PTPN4: variants seen among roughly 807,000 people sequenced by gnomAD.
PTPN4 encodes the protein protein tyrosine phosphatase non-receptor type 4, also known as tyrosine-protein phosphatase non-receptor type 4.
Under a neutral mutation model 135.5 loss-of-function variants are expected in PTPN4, and 49 were observed. The ratio of observed to expected loss-of-function variants is 0.36; its 90% CI spans 0.29 to 0.46. The LOEUF is 0.46. PTPN4 is among the 20% of genes least tolerant of loss of function. The pLI is 1.00. For missense variants in PTPN4, 860 were observed against 1,101.0 expected, an observed-to-expected ratio of 0.78 and a Z score of 3.10; for synonymous variants, 333 against 369.9, an observed-to-expected ratio of 0.90 and a Z score of 1.14.
intron 3 of PTPN4, among the ~76,000 whole-genome samples, chr2:119,871,476 A>T (rs1677909036): frequency 6.6e-6 from 1 of 152,086 alleles, no homozygotes; most frequent in Admixed American, 6.5e-5. Flanking sequence ...CTGAGGCAGG[A>T]GAACCACTTG....
At position 119,853,725 on chromosome 2, in the gene PTPN4, T is replaced by C. The variant is rs147215428; in HGVS notation, c.139-8811T>C. On this transcript the variant is annotated intron_variant, in intron 2 of 26. Coordinates refer to ENST00000263708, the MANE Select transcript of PTPN4 (RefSeq NM_002830.4). ...AAACATTTATTCTTAAAGAGAAGAA[T>C]AGGCTTTTTTATTTACTTCCATTTC... Among the ~76,000 whole-genome samples, 403 of 152,312 alleles carry C rather than the reference T, an allele frequency of 2.6e-3. 21 individuals carry two copies. In the East Asian group the frequency reaches 0.057, roughly 21 times the overall value.
intron 9 of PTPN4, among the ~76,000 whole-genome samples, chr2:119,890,258 A>G (rs1420762298): frequency 7.1e-6 from 1 of 141,158 alleles, no homozygotes; most frequent in Non-Finnish European, 1.5e-5. Flanking sequence ...TCATTATATA[A>G]TGACCTTCTT....
intron 1 of PTPN4, among the ~76,000 whole-genome samples, chr2:119,794,999 C>T (rs192223312): frequency 2.6e-5 from 4 of 152,182 alleles, no homozygotes; most frequent in Admixed American, 2.0e-4. Flanking sequence ...CTGGCTATCC[C>T]ATTGTTTCTT....
chr2:119,910,299 A>T (rs6712877), intron 10 of PTPN4, among the ~76,000 whole-genome samples: 3,525 of 152,210 alleles, frequency 0.023, 127 homozygotes, highest in African/African-American at 0.077. Flanking sequence ...AATAGACTAC[A>T]GTATAGTGTA....
intron 13 of PTPN4, among the ~76,000 whole-genome samples, chr2:119,926,958 T>A (rs985401173): frequency 6.6e-6 from 1 of 152,126 alleles, no homozygotes; most frequent in Non-Finnish European, 1.5e-5. Flanking sequence ...TCCACTTTTT[T>A]AAACATTTTT....
In PTPN4 at chr2:119,984,010, G is replaced by A. The variant is rs186588298; in HGVS notation, c.*6940G>A. On this transcript the variant is annotated 3_prime_UTR_variant, in exon 27 of 27. Transcript: ENST00000263708. ...ACTTTATATACATGTTGAGGGGCAC[G>A]ATTTAAGAGACTGAAACAGTTTACA... 2.7e-3 allele frequency among the ~76,000 whole-genome samples: 417 copies of A among 152,198 alleles called. 2 individuals are homozygous for A. Among genetic ancestry groups the A allele is most frequent in the South Asian group, 8.1e-3 (39 of 4,810 alleles).
chr2:119,912,284 G>A (rs774476310), intron 10 of PTPN4, among the ~76,000 whole-genome samples: 1 of 152,156 alleles, frequency 6.6e-6, no homozygotes, highest in South Asian at 2.1e-4. Context: ...TTGCTGTGTT[G>A]GAGTTCTAGA....
At chr2:119,873,859 C>A (rs1288492382) in intron 3 of PTPN4, among the ~76,000 whole-genome samples, 1 of 151,990 alleles carries the variant, frequency 6.6e-6, no homozygotes, top group Non-Finnish European at 1.5e-5. Flanking sequence ...TGATATAACC[C>A]CAATGCTCAT....
intron 2 of PTPN4, among the ~76,000 whole-genome samples, chr2:119,818,708 A>G (rs1433233754): frequency 2.0e-5 from 3 of 152,224 alleles, no homozygotes; most frequent in African/African-American, 7.2e-5. Context: ...AAGTCCCTCT[A>G]AATAATAGTG....
intron 1 of PTPN4, among the ~76,000 whole-genome samples, chr2:119,797,607 G>T (rs1401578409): frequency 6.6e-6 from 1 of 152,162 alleles, no homozygotes; most frequent in Non-Finnish European, 1.5e-5. Flanking sequence ...GCCACCTTCA[G>T]TCCATCTTTC....
chr2:119,927,156 C>G (rs1449103075), intron 13 of PTPN4, among the ~76,000 whole-genome samples: 1 of 146,206 alleles, frequency 6.8e-6, no homozygotes, highest in Non-Finnish European at 1.5e-5. Flanking sequence ...CCCTGTCATC[C>G]AGGCTGGAGT....
chr2:119,934,193 G>A (rs529934372), intron 14 of PTPN4, among the ~76,000 whole-genome samples: 2 of 152,218 alleles, frequency 1.3e-5, no homozygotes, highest in South Asian at 4.2e-4. Flanking sequence ...ACTTGGGCAA[G>A]TTAATCTCTG....
chr2:119,872,926 A>G (rs1391619328), intron 3 of PTPN4, among the ~76,000 whole-genome samples: 3 of 152,194 alleles, frequency 2.0e-5, no homozygotes, highest in Non-Finnish European at 4.4e-5. Flanking sequence ...AATTTGTCCA[A>G]ATTATATTTT....
chr2:119,935,454 G>T (rs1678968328), intron 15 of PTPN4, among the ~76,000 whole-genome samples: 1 of 152,080 alleles, frequency 6.6e-6, no homozygotes, highest in African/African-American at 2.4e-5. Flanking sequence ...GTAAAGAGTG[G>T]GCCCAAGAGT....
chr2:119,933,083 G>T (rs542582781), intron 14 of PTPN4, among the ~76,000 whole-genome samples: 1 of 152,094 alleles, frequency 6.6e-6, no homozygotes, highest in African/African-American at 2.4e-5. Context: ...AGCACTTACC[G>T]TATATGTACT....
At chr2:119,877,427 T>C in intron 4 of PTPN4, 37 bp from the exon 5 acceptor site, 1 of 1,606,426 alleles carries the variant, frequency 6.2e-7, no homozygotes. Flanking sequence ...AGGATTAATA[T>C]AGTCTGATTA....
intron 9 of PTPN4, among the ~76,000 whole-genome samples, chr2:119,897,102 T>C (rs1052399761): frequency 2.6e-5 from 4 of 151,980 alleles, no homozygotes; most frequent in African/African-American, 9.7e-5. Flanking sequence ...GTTTTTTGTT[T>C]GTTTGTTTTT....
In PTPN4 at chr2:119,925,063, C is replaced by T. The variant is rs187382964; in HGVS notation, c.1002-1535C>T. On this transcript the variant is annotated intron_variant, in intron 12 of 26. Coordinates refer to ENST00000263708, the MANE Select transcript of PTPN4 (RefSeq NM_002830.4). ...TTAGAGCTCTGTTTCCCTGACTGAA[C>T]TCTGACTGATACATTAATTTTCCAG... is the stretch of plus-strand genomic sequence containing the variant. 3.0e-3 allele frequency among the ~76,000 whole-genome samples: 452 copies of T among 152,260 alleles called. 8 individuals carry two copies. Among genetic ancestry groups the T allele is most frequent in the Non-Finnish European group, 5.7e-4 (39 of 68,026 alleles).
intron 18 of PTPN4, among the ~76,000 whole-genome samples, 178 bp from the exon 19 acceptor site, chr2:119,951,795 A>T (rs1323905839): frequency 6.6e-6 from 1 of 152,216 alleles, no homozygotes; most frequent in Admixed American, 6.5e-5. Flanking sequence ...AAGAAGGAAC[A>T]AAAATACTCT....
Sources: gnomAD v4.1 joint callset for allele counts (sites outside exome capture counted in the v4.1 genomes callset) on GRCh38, gnomAD v4.1.1 for gene constraint, MANE v1.5 for transcripts, NCBI Gene and HGNC (gene_info 2026-07-23, HGNC 2026-07-21) for gene names.